The following NXF1 variants were observed in gnomAD, a reference collection of about 807,000 sequenced individuals.
The protein encoded by NXF1 is mRNA export factor TAP.
NXF1 carries 43 observed loss-of-function variants against 92.4 expected under a neutral mutation model. That is an observed-to-expected ratio of 0.47 (90% CI 0.36 to 0.60). NXF1 has a LOEUF of 0.60. Ranked by LOEUF, NXF1 falls within the 20% of genes least tolerant of loss-of-function variation. The probability of loss-of-function intolerance (pLI) is 0.00; values close to 1 mark genes in which losing one functional copy is unlikely to be tolerated. For missense variants in NXF1, 576 were observed against 793.0 expected, an observed-to-expected ratio of 0.73 and a Z score of 3.29; for synonymous variants, 288 against 292.2, an observed-to-expected ratio of 0.99 and a Z score of 0.15.
intron 1 of NXF1, chr11:62,804,301 C>A: frequency 1.0e-6 from 1 of 982,302 alleles, no homozygotes; most frequent in Non-Finnish European, 1.4e-6. Flanking sequence ...CTGAAATCTG[C>A]CACTCAGTAC....
chr11:62,800,605 C>CTTTT (rs569196618), intron 9 of NXF1, 119 bp from the exon 10 acceptor site: 3 of 482,434 alleles, frequency 6.2e-6, no homozygotes, highest in Non-Finnish European at 3.6e-6. Context: ...AAAATTTTTT[C>CTTTT]TTTTTTTTTT....
At chr11:62,804,261 C>T in intron 1 of NXF1, 1 of 1,390,398 alleles carries the variant, frequency 7.2e-7, no homozygotes, top group Non-Finnish European at 9.5e-7. Context: ...AAAAGTGTAA[C>T]TGAACACAAA....
At chr11:62,803,341 T>C (rs1262160082) in intron 3 of NXF1, 78 bp downstream of exon 3, 12 of 1,197,204 alleles carry the variant, frequency 1.0e-5, no homozygotes, top group Non-Finnish European at 1.4e-5. Flanking sequence ...ATAATTTTTG[T>C]GGAATAAAAT....
At position 62,798,445 on chromosome 11, in the gene NXF1, A is replaced by AAAAAAG. The variant is rs1176132666; in HGVS notation, c.1053+88_1053+93dup. The AAAAAAG allele has an allele frequency of 8.2e-5, 126 of 1,539,846 alleles. No individual in the cohort carries two copies. The African/African-American group carries it at 1.2e-3, about 14-fold the overall frequency. On this transcript the variant is annotated intron_variant, in intron 11 of 20. Transcript: ENST00000294172. ...GAAACTCCGTCTCAAATAAAAAAAA[A>AAAAAAG]AAAAAGAAAAAGAAAAAGAAAAAGA...
intron 1 of NXF1, chr11:62,804,981 A>T: frequency 4.1e-6 from 1 of 242,094 alleles, no homozygotes; most frequent in Non-Finnish European, 7.9e-6. Flanking sequence ...GCAGTAAAAA[A>T]TAGGGCATCA....
In NXF1 at chr11:62,803,536, A is replaced by G; in HGVS notation, c.252T>C (p.Asp84=). Residue 84 remains aspartate (D), a synonymous_variant, in exon 3 of 21, where the codon GAT becomes GAC. Coordinates refer to ENST00000294172, the MANE Select transcript of NXF1 (RefSeq NM_006362.5). ...GAATGCGATCTCGATCATGCCAAGTATCACCCCGACGGTTAGGTCGGGTGG... is the reference window on the plus strand; with the variant it reads ...GAATGCGATCTCGATCATGCCAAGTGTCACCCCGACGGTTAGGTCGGGTGG... The part of the protein sequence containing the change: ...PYTTRPNRRG[D]TWHDRDRIHV... 6.2e-7 allele frequency: 1 copy of G among 1,614,066 alleles called. No individual in the cohort carries two copies. The highest frequency in any genetic ancestry group is 2.2e-5 in the East Asian group (1 of 44,874).
Position 62,792,438 on chromosome 11 carries a change from T to A in NXF1, c.*38A>T. The stretch of plus-strand genomic sequence containing the variant: ...CAACCAGACGGTAATATCCAAGGAC[T>A]ATTTACAGGGGGGACTGCTTCTGAG... On this transcript the variant is annotated 3_prime_UTR_variant, in exon 21 of 21. Coordinates refer to ENST00000294172, the MANE Select transcript of NXF1 (RefSeq NM_006362.5). 1 of 1,613,086 alleles carries A rather than the reference T, an allele frequency of 6.2e-7. No individual in the cohort carries two copies. Among genetic ancestry groups the A allele is most frequent in the Non-Finnish European group, 8.5e-7 (1 of 1,179,068 alleles).
At chr11:62,801,490 C>T in intron 7 of NXF1, 72 bp downstream of exon 7, 1 of 1,607,268 alleles carries the variant, frequency 6.2e-7, no homozygotes, top group South Asian at 1.1e-5. Context: ...AGTAAAACAT[C>T]CTCAAACTTT....
In NXF1 at chr11:62,803,896, G is replaced by A; in HGVS notation, c.111C>T (p.Asn37=). The A allele has an allele frequency of 6.2e-7, 1 of 1,614,172 alleles. No individual in the cohort carries two copies. Among genetic ancestry groups the A allele is most frequent in the Admixed American group, 1.7e-5 (1 of 60,018 alleles). Residue 37 remains asparagine (N), a synonymous_variant, in exon 2 of 21, where the codon AAC becomes AAT. Transcript: ENST00000294172. The stretch of plus-strand genomic sequence containing the variant: ...CAGAACCGCCTCTTCCAGACCTACG[G>A]TTTCCTTCACCATATTTCCACCGGA... The part of the protein sequence containing the change: ...GPFRWKYGEG[N]RRSGRGGSGI...
rs1565198264 is a variant in NXF1 at position 62,796,287 on chromosome 11, T to G, written c.1345A>C (p.Thr449Pro). Residue 449 changes from threonine to proline, a missense_variant and splice_region_variant, in exon 15 of 21, where the codon ACC (threonine) becomes CCC (proline). Physicochemically the swap from Thr to Pro is conservative, Grantham distance 38 (BLOSUM62 -1). Around this residue, in one of 2 missense-constraint regions of NXF1, gnomAD observed 425 missense variants for 635.2 expected, o/e 0.67. Transcript: ENST00000294172. Reference sequence around the variant, plus strand: ...TATTTTGTTCGTATCACACACTTACTAGGGTCTTTAAGCTTCTTCACATTT... The same window carrying G: ...TATTTTGTTCGTATCACACACTTACGAGGGTCTTTAAGCTTCTTCACATTT... ...SRNVKKLKDP[T>P]LRFRLLKHTR... 6.2e-7 allele frequency: 1 copy of G among 1,614,146 alleles called. No homozygotes were observed. Among genetic ancestry groups the G allele is most frequent in the Non-Finnish European group, 8.5e-7 (1 of 1,179,994 alleles).
chr11:62,803,867 A>G lies in NXF1; in HGVS notation c.140T>C (p.Ile47Thr), dbSNP rs372428651. 1.2e-6 allele frequency: 2 copies of G among 1,614,194 alleles called. No homozygotes were observed. The highest frequency in any genetic ancestry group is 1.7e-5 in the Admixed American group (1 of 60,020). Reference protein sequence around the residue: ...NRRSGRGGSGIRSSRLEEDDG... With the variant: ...NRRSGRGGSGTRSSRLEEDDG... The stretch of plus-strand genomic sequence containing the variant: ...ATCTTCCTCAAGGCGGGAAGACCGA[A>G]TACCAGAACCGCCTCTTCCAGACCT... The change falls in exon 2 of 21, where the codon ATT becomes ACT. Residue 47 changes from isoleucine to threonine, a missense_variant. Physicochemically the swap from Ile to Thr is moderately conservative, Grantham distance 89. Coordinates refer to ENST00000294172, the MANE Select transcript of NXF1 (RefSeq NM_006362.5).
rs1413056050 is a variant in NXF1 at position 62,805,436 on chromosome 11, G to A, written c.-80C>T. The A allele has an allele frequency of 1.9e-6, 3 of 1,591,098 alleles. No individual in the cohort carries two copies. The highest frequency in any genetic ancestry group is 2.7e-5 in the African/African-American group (2 of 73,894). On this transcript the variant is annotated 5_prime_UTR_variant, in exon 1 of 21. Coordinates refer to ENST00000294172, the MANE Select transcript of NXF1 (RefSeq NM_006362.5). Reference sequence around the variant, plus strand: ...ACCTAACTCCCAAGCGCTCAGGACCGAAGTGTCCCTACGCCGGGCGCCACC... The same window carrying A: ...ACCTAACTCCCAAGCGCTCAGGACCAAAGTGTCCCTACGCCGGGCGCCACC...
chr11:62,798,244 A>G (rs2084441377), intron 11 of NXF1, among the ~76,000 whole-genome samples: 1 of 151,850 alleles, frequency 6.6e-6, no homozygotes, highest in Non-Finnish European at 1.5e-5. Context: ...CCTGGCGAAC[A>G]TGGTGAAACC....
Position 62,800,438 on chromosome 11 carries a change from C to G in NXF1, c.955G>C (p.Glu319Gln). ...AGGGAGTTTCCATCGAGCCAGAGCT[C>G]TTCTAGCTTCAGCCCCTTTATCTTG... ...LDKIKGLKLE[E>Q]LWLDGNSLCD... Residue 319 changes from glutamate to glutamine, a missense_variant, in exon 10 of 21, where the codon GAG becomes CAG. Glu to Gln is a conservative substitution (Grantham distance 29). Coordinates refer to ENST00000294172, the MANE Select transcript of NXF1 (RefSeq NM_006362.5). The G allele has an allele frequency of 1.9e-6, 3 of 1,614,044 alleles. No individual in the cohort carries two copies. Among genetic ancestry groups the G allele is most frequent in the Non-Finnish European group, 2.5e-6 (3 of 1,179,990 alleles).
rs556958257 is a variant in NXF1, at chr11:62,800,243, G to A, written c.1016+134C>T. 501 of 1,486,522 alleles carry A rather than the reference G, an allele frequency of 3.4e-4. 4 individuals are homozygous for A. In the South Asian group the frequency reaches 4.4e-3, roughly 13 times the overall value. 92.1% of individuals were successfully genotyped at this position (1,486,522 alleles called of 1,614,324 possible). On this transcript the variant is annotated intron_variant, in intron 10 of 20. Transcript: ENST00000294172. ...ACAGACAGACCAAAGTGGGGAGCAC[G>A]CGATCCTCTCAAAGGACAGGTGGTT... is the stretch of plus-strand genomic sequence containing the variant.
chr11:62,799,069 G>A lies in NXF1; in HGVS notation c.1017-494C>T, dbSNP rs180922789. On this transcript the variant is annotated intron_variant, in intron 10 of 20. Coordinates refer to ENST00000294172, the MANE Select transcript of NXF1 (RefSeq NM_006362.5). ...GGGCTCAGGAAGAGGAGAGGCAAAG[G>A]AATAAGAAAGGAAAAGGAGGAAAAA... 3.2e-4 allele frequency: 313 copies of A among 989,424 alleles called. 2 individuals are homozygous for A. The African/African-American group carries it at 5.4e-3, about 17-fold the overall frequency. 61.3% of individuals were successfully genotyped at this position (989,424 alleles called of 1,614,324 possible). A position where few individuals can be genotyped will look rare whatever the true frequency, so the allele number is the denominator to read the frequency against.
Position 62,802,183 on chromosome 11 carries a change from A to G in NXF1, c.447T>C (p.Pro149=). 6.2e-7 allele frequency: 1 copy of G among 1,614,048 alleles called. No individual in the cohort carries two copies. The highest frequency in any genetic ancestry group is 8.5e-7 in the Non-Finnish European group (1 of 1,179,904). Residue 149 remains proline, a synonymous_variant, in exon 4 of 21, where the codon CCT becomes CCC. Transcript: ENST00000294172. The part of the protein sequence containing the change: ...IQSKCSVPFT[P]IEFHYENTRA... ...CACTCAGGCCTTGTCTTACCTCAAT[A>G]GGGGTGAAGGGCACACTGCACTTGC...
At chr11:62,805,207 C>T (rs2084522823) in intron 1 of NXF1, 122 bp downstream of exon 1, 4 of 903,754 alleles carry the variant, frequency 4.4e-6, no homozygotes, top group African/African-American at 1.8e-5. Context: ...CGGCCCCCCG[C>T]GCGCCGCTCC....
intron 19 of NXF1, among the ~76,000 whole-genome samples, chr11:62,793,310 C>T (rs1337595013): frequency 6.6e-6 from 1 of 152,142 alleles, no homozygotes; most frequent in Non-Finnish European, 1.5e-5. Context: ...ATCTCTTGAC[C>T]TCGTGATCTG....
Sources: gnomAD v4.1 joint callset for allele counts (sites outside exome capture counted in the v4.1 genomes callset) on GRCh38, gnomAD v4.1.1 for gene constraint, gnomAD v4.1.1 regional missense constraint, MANE v1.5 for transcripts, NCBI Gene and HGNC (gene_info 2026-07-23, HGNC 2026-07-21) for gene names.